The following ZBTB17 variants were observed in gnomAD, a reference collection of about 807,000 sequenced individuals.
ZBTB17 encodes zinc finger and BTB domain-containing protein 17.
Under a neutral mutation model 85.1 loss-of-function variants are expected in ZBTB17, and 24 were observed. That is an observed-to-expected ratio of 0.28 (90% CI 0.20 to 0.40). The LOEUF is 0.40. Ranked by LOEUF, ZBTB17 falls within the 10% of genes least tolerant of loss-of-function variation. The pLI is 1.00. For synonymous variants in ZBTB17, 464 were observed against 460.2 expected (o/e 1.01, Z -0.11); for missense variants, 743 against 1,105.1 (o/e 0.67, Z 4.65).
At position 15,946,176 on chromosome 1, in the gene ZBTB17, A is replaced by ACCG; in HGVS notation, c.510_512dup (p.Gly171dup). ...CACCGCTGGCCGCACTCTGGGCCTG[A>ACCG]CCGCCGCGCTCCTCCTTGAGGTCCC... is the stretch of plus-strand genomic sequence containing the variant. On this transcript the variant is annotated inframe_insertion, in exon 5 of 16. Coordinates refer to ENST00000375743, the MANE Select transcript of ZBTB17 (RefSeq NM_003443.3). 1 of 1,609,430 alleles carries ACCG rather than the reference A, an allele frequency of 6.2e-7. No homozygotes were observed. Among genetic ancestry groups the ACCG allele is most frequent in the Non-Finnish European group, 8.5e-7 (1 of 1,179,946 alleles).
In ZBTB17 at chr1:15,951,479, G is replaced by C. The variant is rs1179754991; in HGVS notation, c.-2-2982C>G. ...TAAGTGCTAAATGGTGTTACCCGCAGAACTGTGTCACTGTGGACTTTACAA... is the reference window on the plus strand; with the variant it reads ...TAAGTGCTAAATGGTGTTACCCGCACAACTGTGTCACTGTGGACTTTACAA... On this transcript the variant is annotated intron_variant, in intron 2 of 15. Coordinates refer to ENST00000375743, the MANE Select transcript of ZBTB17 (RefSeq NM_003443.3). This position sits in a 1 kb window ranked among gnomAD's most constrained non-coding sequence, Gnocchi z 4.1. Among the ~76,000 whole-genome samples the C allele has an allele frequency of 6.6e-6, 1 of 152,168 alleles. No homozygotes were observed. The highest frequency in any genetic ancestry group is 2.4e-5 in the African/African-American group (1 of 41,442).
chr1:15,954,892 C>T (rs542288967), intron 2 of ZBTB17, among the ~76,000 whole-genome samples: 8 of 152,100 alleles, frequency 5.3e-5, no homozygotes, highest in African/African-American at 1.7e-4. Flanking sequence ...CGGTGGCTCA[C>T]GCCTATAATC....
chr1:15,943,437 G>T lies in ZBTB17; in HGVS notation c.1659C>A (p.Thr553=). The T allele has an allele frequency of 6.2e-7, 1 of 1,609,788 alleles. No homozygotes were observed. The highest frequency in any genetic ancestry group is 8.5e-7 in the Non-Finnish European group (1 of 1,177,726). ...GCTCGCAGACGTAGGGCTTCTCCCC[G>T]GTGTGCTGGCGCACGTGGGCGATGA... ...SSLIAHVRQH[T]GEKPYVCERC... Residue 553 remains threonine, a synonymous_variant, in exon 12 of 16, where the codon ACC becomes ACA. Coordinates refer to ENST00000375743, the MANE Select transcript of ZBTB17 (RefSeq NM_003443.3).
intron 2 of ZBTB17, among the ~76,000 whole-genome samples, chr1:15,972,481 A>G (rs762206790): frequency 6.6e-6 from 1 of 152,234 alleles, no homozygotes; most frequent in African/African-American, 2.4e-5. Context: ...CACCAGATGC[A>G]GGAACTGGCT....
In ZBTB17 at chr1:15,953,598, C is replaced by G. The variant is rs2071942785; in HGVS notation, c.-2-5101G>C. Among the ~76,000 whole-genome samples, 1 of 152,130 alleles carries G rather than the reference C, an allele frequency of 6.6e-6. No homozygotes were observed. Among genetic ancestry groups the G allele is most frequent in the Non-Finnish European group, 1.5e-5 (1 of 68,012 alleles). ...ACAGACTGCTGAGTAAGCCAGGTTT[C>G]TGTTTGGGCCGTGAAATCCACTCTG... is the stretch of plus-strand genomic sequence containing the variant. On this transcript the variant is annotated intron_variant, in intron 2 of 15. Coordinates refer to ENST00000375743, the MANE Select transcript of ZBTB17 (RefSeq NM_003443.3). The surrounding 1 kb of genome is among the most constrained non-coding windows in gnomAD (Gnocchi z 5.1).
At position 15,942,104 on chromosome 1, in the gene ZBTB17, T is replaced by C; in HGVS notation, c.2277A>G (p.Pro759=). 6.2e-7 allele frequency: 1 copy of C among 1,613,366 alleles called. No homozygotes were observed. Among genetic ancestry groups the C allele is most frequent in the Non-Finnish European group, 8.5e-7 (1 of 1,180,044 alleles). Residue 759 remains proline (P), a synonymous_variant, in exon 16 of 16, where the codon CCA becomes CCG. Transcript: ENST00000375743. Reference sequence around the variant, plus strand: ...CCTGCCCGGCAGGCCACGTGCCACCTGGCCCATACTGCTGATAGAAGTCCG... The same window carrying C: ...CCTGCCCGGCAGGCCACGTGCCACCCGGCCCATACTGCTGATAGAAGTCCG... ...TDADFYQQYG[P]GGTWPAGQVL...
intron 3 of ZBTB17, 113 bp downstream of exon 3, chr1:15,948,165 AGCCTGTGCGGGAG>A: frequency 8.9e-7 from 1 of 1,122,402 alleles, no homozygotes; most frequent in Non-Finnish European, 1.3e-6. Context: ...CATGGCCTGA[AGCCTGTGCGGGAG>A]GCCTGTTGCA....
chr1:15,945,223 A>C (rs2071547290), intron 6 of ZBTB17, 21 bp from the exon 7 acceptor site: 2 of 1,549,042 alleles, frequency 1.3e-6, no homozygotes, highest in East Asian at 4.9e-5. Context: ...AAGGGCAAGC[A>C]TGGAGGCGGC....
rs1406581240 is a variant in ZBTB17 at position 15,973,944 on chromosome 1, C to T, written c.-89-819G>A. On this transcript the variant is annotated intron_variant, in intron 1 of 15. Coordinates refer to ENST00000375743, the MANE Select transcript of ZBTB17 (RefSeq NM_003443.3). This position sits in a 1 kb window ranked among gnomAD's most constrained non-coding sequence, Gnocchi z 4.1. ...GTTGCACATGCCTATAATCCCAGTA[C>T]TTTGGGAGGCTGAGGCGGGAGGATC... 6.6e-6 allele frequency among the ~76,000 whole-genome samples: 1 copy of T among 152,150 alleles called. No individual in the cohort carries two copies. Among genetic ancestry groups the T allele is most frequent in the Non-Finnish European group, 1.5e-5 (1 of 68,026 alleles).
chr1:15,967,531 T>A (rs1387390589), intron 2 of ZBTB17, among the ~76,000 whole-genome samples: 1 of 151,674 alleles, frequency 6.6e-6, no homozygotes, highest in Non-Finnish European at 1.5e-5. Flanking sequence ...AAAAAAAAAG[T>A]TTCCTGGGAG....
At chr1:15,968,127 T>G (rs1289463267) in intron 2 of ZBTB17, among the ~76,000 whole-genome samples, 1 of 152,178 alleles carries the variant, frequency 6.6e-6, no homozygotes, top group Non-Finnish European at 1.5e-5. Context: ...TGAGAAACCC[T>G]GCTATACTGG....
chr1:15,946,109 G>T, intron 5 of ZBTB17, 45 bp downstream of exon 5: 1 of 1,600,988 alleles, frequency 6.2e-7, no homozygotes, highest in Non-Finnish European at 8.5e-7. Context: ...CCAGGCTGCT[G>T]GGAGGTGACA....
chr1:15,944,233 C>A, intron 9 of ZBTB17, 67 bp downstream of exon 9: 1 of 1,538,448 alleles, frequency 6.5e-7, no homozygotes, highest in East Asian at 2.4e-5. Flanking sequence ...CGCCCCACCA[C>A]GTGGCATGCA....
chr1:15,943,707 T>G lies in ZBTB17; in HGVS notation c.1468A>C (p.Lys490Gln), dbSNP rs1215749574. The G allele has an allele frequency of 6.2e-7, 1 of 1,613,278 alleles. No homozygotes were observed. Among genetic ancestry groups the G allele is most frequent in the Admixed American group, 1.7e-5 (1 of 60,012 alleles). The change falls in exon 11 of 16, where the codon AAG becomes CAG. Residue 490 changes from lysine (K) to glutamine (Q), a missense_variant. Lys to Gln is a moderately conservative substitution (Grantham distance 53). Transcript: ENST00000375743. ...CCGCTGTGGATCCGAAGGTGCCGCT[T>G]CAGGTTCCCTGTGGCGAGACCGAGG... ...GKQFTTSGNL[K>Q]RHLRIHSGEK...
In ZBTB17 at chr1:15,966,791, T is replaced by C. The variant is rs2072456209; in HGVS notation, c.-3+6248A>G. Among the ~76,000 whole-genome samples, 1 of 152,000 alleles carries C rather than the reference T, an allele frequency of 6.6e-6. No individual in the cohort carries two copies. The highest frequency in any genetic ancestry group is 1.5e-5 in the Non-Finnish European group (1 of 68,004). On this transcript the variant is annotated intron_variant, in intron 2 of 15. Coordinates refer to ENST00000375743, the MANE Select transcript of ZBTB17 (RefSeq NM_003443.3). This position sits in a 1 kb window ranked among gnomAD's most constrained non-coding sequence, Gnocchi z 4.1. ...CTCTATTATTTCAACCATTTAAAAA[T>C]TGTGGCCACGGGAGGCTGAGGTGGG...
chr1:15,957,238 T>C (rs553867698), intron 2 of ZBTB17, among the ~76,000 whole-genome samples: 3 of 151,396 alleles, frequency 2.0e-5, no homozygotes, highest in East Asian at 1.9e-4. Context: ...GGAGGTGGCA[T>C]TTAAGCAAAG....
chr1:15,955,141 G>A (rs1425069238), intron 2 of ZBTB17, among the ~76,000 whole-genome samples: 1 of 152,192 alleles, frequency 6.6e-6, no homozygotes, highest in Non-Finnish European at 1.5e-5. Flanking sequence ...GCCACAGAGT[G>A]AGACTCTGTC....
chr1:15,971,428 T>C lies in ZBTB17; in HGVS notation c.-3+1611A>G, dbSNP rs182948145. Reference sequence around the variant, plus strand: ...TATATACACACACACTATATATATATACACACACACTATATATATACACAC... The same window carrying C: ...TATATACACACACACTATATATATACACACACACACTATATATATACACAC... On this transcript the variant is annotated intron_variant, in intron 2 of 15. Transcript: ENST00000375743. 1.7e-3 allele frequency among the ~76,000 whole-genome samples: 164 copies of C among 96,300 alleles called. 3 individuals carry two copies. The East Asian group carries it at 0.026, about 15-fold the overall frequency. 63.2% of individuals were successfully genotyped at this position (96,300 alleles called of 152,430 possible).
Position 15,973,522 on chromosome 1 carries a change from T to G in ZBTB17, c.-89-397A>C, listed in dbSNP as rs531605981. Reference sequence around the variant, plus strand: ...CCCCTCCCATGACTTCAGTGACCTTTGATGGTGATAACTACTAGCTGAACA... The same window carrying G: ...CCCCTCCCATGACTTCAGTGACCTTGGATGGTGATAACTACTAGCTGAACA... On this transcript the variant is annotated intron_variant, in intron 1 of 15. Transcript: ENST00000375743. This position sits in a 1 kb window ranked among gnomAD's most constrained non-coding sequence, Gnocchi z 4.1. 1.5e-4 allele frequency among the ~76,000 whole-genome samples: 23 copies of G among 152,334 alleles called. No individual in the cohort carries two copies. Among genetic ancestry groups the G allele is most frequent in the African/African-American group, 5.3e-4 (22 of 41,576 alleles).
Sources: gnomAD v4.1 joint callset for allele counts (sites outside exome capture counted in the v4.1 genomes callset) on GRCh38, gnomAD v4.1.1 for gene constraint, Gnocchi (gnomAD v3.1) non-coding constraint, MANE v1.5 for transcripts, NCBI Gene and HGNC (gene_info 2026-07-23, HGNC 2026-07-21) for gene names.